Variants in VSIG10L2 observed in about 807,000 individuals in gnomAD.
VSIG10L2 encodes the protein V-set and immunoglobulin domain containing 10 like 2, also known as V-set and immunoglobulin domain-containing protein 10-like 2.
In VSIG10L2, 56 loss-of-function variants were observed where a neutral mutation model predicts 67.1. The ratio of observed to expected loss-of-function variants is 0.83; its 90% CI spans 0.67 to 1.04. VSIG10L2 has a LOEUF of 1.04. Ranked by LOEUF, VSIG10L2 falls within the 50% of genes least tolerant of loss-of-function variation. VSIG10L2 has a pLI of 0.00. For synonymous variants in VSIG10L2, 360 were observed against 396.6 expected (o/e 0.91, Z 1.10); for missense variants, 843 against 932.8 (o/e 0.90, Z 1.25).
At chr11:125,955,301 C>T in intron 9 of VSIG10L2, 122 bp downstream of exon 9, 4 of 1,287,798 alleles carry the variant, frequency 3.1e-6, no homozygotes, top group Non-Finnish European at 3.0e-6. Flanking sequence ...TTAATTCAGA[C>T]CCTCTCCCCA....
chr11:125,952,974 G>A (rs1945397977), intron 6 of VSIG10L2, among the ~76,000 whole-genome samples: 1 of 152,190 alleles, frequency 6.6e-6, no homozygotes, highest in Admixed American at 6.5e-5. Context: ...ACACCTGAGA[G>A]TCTGGGTCTT....
chr11:125,954,435 CT>C, intron 8 of VSIG10L2, 52 bp downstream of exon 8: 1 of 1,223,386 alleles, frequency 8.2e-7, no homozygotes, highest in African/African-American at 1.6e-5. Flanking sequence ...GCGCTGGCCC[CT>C]GGTTCATCTT....
chr11:125,951,656 G>C (rs1945374153), intron 5 of VSIG10L2, 157 bp from the exon 6 acceptor site: 12 of 743,174 alleles, frequency 1.6e-5, no homozygotes, highest in Non-Finnish European at 2.3e-5. Flanking sequence ...CCATTTCCCT[G>C]GCACATGATC....
chr11:125,950,744 T>C (rs1945356841), intron 4 of VSIG10L2, among the ~76,000 whole-genome samples, 166 bp from the exon 5 acceptor site: 1 of 152,082 alleles, frequency 6.6e-6, no homozygotes, highest in Admixed American at 6.5e-5. Context: ...GAGCTCAGCC[T>C]GTTCCTCACC....
In VSIG10L2 at chr11:125,954,807, C is replaced by T. The variant is rs1050879179; in HGVS notation, c.2084-250C>T. Among the ~76,000 whole-genome samples, 5 of 152,196 alleles carry T rather than the reference C, an allele frequency of 3.3e-5. No homozygotes were observed. The South Asian group carries it at 8.3e-4, about 25-fold the overall frequency. ...GCCCCAAGCCGCCAAGATAACCAAC[C>T]TTTTGTCTTCTGCACCAGAAACAGG... is the stretch of plus-strand genomic sequence containing the variant. On this transcript the variant is annotated intron_variant, in intron 8 of 11. Transcript: ENST00000686984.
At position 125,947,905 on chromosome 11, in the gene VSIG10L2, G is replaced by A. The variant is rs1295595006; in HGVS notation, c.302G>A (p.Ser101Asn). 2 of 1,232,220 alleles carry A rather than the reference G, an allele frequency of 1.6e-6. No homozygotes were observed. The highest frequency in any genetic ancestry group is 4.2e-5 in the Admixed American group (1 of 23,708). 76.3% of individuals were successfully genotyped at this position (1,232,220 alleles called of 1,614,324 possible). A position where few individuals can be genotyped will look rare whatever the true frequency, so the allele number is the denominator to read the frequency against. The change falls in exon 2 of 12, where the codon AGT (serine) becomes AAT (asparagine). Residue 101 changes from serine (S) to asparagine (N), a missense_variant. By Grantham distance (46) the Ser-to-Asn change is conservative (BLOSUM62 1). Transcript: ENST00000686984. ...ATCGCCTCGGCTCTGGGAGTCGTGA[G>A]TCTGAGGAACAGCAGCCTGGTGCTG... ...EAIASALGVV[S>N]LRNSSLVLGE...
rs1479517883 is a variant in VSIG10L2 at position 125,955,970 on chromosome 11, A to G, written c.*56A>G. 1 of 638,492 alleles carries G rather than the reference A, an allele frequency of 1.6e-6. No individual in the cohort carries two copies. The highest frequency in any genetic ancestry group is 2.8e-6 in the Non-Finnish European group (1 of 356,302). The allele number at this position is 638,492 out of a possible 1,614,324, so 39.6% of individuals were successfully genotyped here. On this transcript the variant is annotated 3_prime_UTR_variant, in exon 12 of 12. Transcript: ENST00000686984. ...GGGAGGGCAGGTGGGATTTGGGAAG[A>G]GCCCTTCTGTCAGACTTTGGTCATA...
In VSIG10L2 at chr11:125,947,387, C is replaced by T. The variant is rs527809327; in HGVS notation, c.83-299C>T. The T allele has an allele frequency of 1.2e-4, 119 of 982,484 alleles. 3 individuals carry two copies. The South Asian group carries it at 5.0e-3, about 41-fold the overall frequency. The allele number at this position is 982,484 out of a possible 1,614,324, so 60.9% of individuals were successfully genotyped here. A position where few individuals can be genotyped will look rare whatever the true frequency, so the allele number is the denominator to read the frequency against. On this transcript the variant is annotated intron_variant, in intron 1 of 11. Coordinates refer to ENST00000686984, the MANE Select transcript of VSIG10L2 (RefSeq NM_001365077.2). ...TGTCTGACTTGATAGTCTGGGGTGA[C>T]GTCCACGAATCTGCCTTTTGGATGG...
chr11:125,955,207 G>A (rs1945443941), intron 9 of VSIG10L2, 28 bp downstream of exon 9: 1 of 1,258,056 alleles, frequency 7.9e-7, no homozygotes, highest in Non-Finnish European at 1.0e-6. Context: ...GGGACGGGCT[G>A]CTTGACCCCA....
At chr11:125,955,775 C>T in intron 11 of VSIG10L2, 42 bp from the exon 12 acceptor site, 1 of 945,854 alleles carries the variant, frequency 1.1e-6, no homozygotes, top group Non-Finnish European at 1.6e-6. Context: ...TGGACACTCC[C>T]AAAGCATCCC....
Position 125,946,745 on chromosome 11 carries a change from C to T in VSIG10L2, c.82+608C>T, listed in dbSNP as rs945844433. On this transcript the variant is annotated intron_variant, in intron 1 of 11. Transcript: ENST00000686984. This position sits in a 1 kb window ranked among gnomAD's most constrained non-coding sequence, Gnocchi z 4.4. The stretch of plus-strand genomic sequence containing the variant: ...TAGAGCCAGGGTTTTGCCATGTTGG[C>T]CAGGCTGGTCTCAAACTCCTGACCT... 4.6e-5 allele frequency among the ~76,000 whole-genome samples: 7 copies of T among 152,112 alleles called. No homozygotes were observed. Among genetic ancestry groups the T allele is most frequent in the African/African-American group, 1.4e-4 (6 of 41,438 alleles).
At chr11:125,955,020 G>T (rs1945438164) in intron 8 of VSIG10L2, 37 bp from the exon 9 acceptor site, 12 of 1,232,798 alleles carry the variant, frequency 9.7e-6, no homozygotes, top group Non-Finnish European at 1.1e-5. Flanking sequence ...GTTCTGCAGT[G>T]GCTCTAAACC....
chr11:125,950,951 C>T lies in VSIG10L2; in HGVS notation c.1027C>T (p.Pro343Ser), dbSNP rs35099146. 0.21 allele frequency: 259,824 copies of T among 1,232,238 alleles called. 28,231 individuals carry two copies. The highest frequency in any genetic ancestry group is 0.22 in the South Asian group (5,438 of 24,322). The allele number at this position is 1,232,238 out of a possible 1,614,324, so 76.3% of individuals were successfully genotyped here. The change falls in exon 5 of 12, where the codon CCT (proline) becomes TCT (serine). Residue 343 changes from proline (P) to serine (S), a missense_variant. Physicochemically the swap from Pro to Ser is moderately conservative, Grantham distance 74 (BLOSUM62 -1). Around this residue, in one of 2 missense-constraint regions of VSIG10L2, gnomAD observed 446 missense variants for 548.4 expected, o/e 0.81. Coordinates refer to ENST00000686984, the MANE Select transcript of VSIG10L2 (RefSeq NM_001365077.2). ...GCCCTCCTGTGCAGTGCATCCCAGC[C>T]CTGAGGCTGTGACCCTGCTCTGTGC... is the stretch of plus-strand genomic sequence containing the variant. ...GQPSCAVHPS[P>S]EAVTLLCAWP...
At chr11:125,951,678 A>T (rs994787404) in intron 5 of VSIG10L2, 135 bp from the exon 6 acceptor site, 1 of 830,176 alleles carries the variant, frequency 1.2e-6, no homozygotes, top group African/African-American at 1.7e-5. Flanking sequence ...ATAAATGATG[A>T]GTGTGTGAAT....
intron 7 of VSIG10L2, 30 bp from the exon 8 acceptor site, chr11:125,954,057 G>A (rs1045067189): frequency 8.1e-7 from 1 of 1,231,476 alleles, no homozygotes; most frequent in East Asian, 3.2e-5. Context: ...AGGTATACAT[G>A]TCCCTTGTTT....
At chr11:125,947,539 C>T in intron 1 of VSIG10L2, 147 bp from the exon 2 acceptor site, 3 of 1,230,790 alleles carry the variant, frequency 2.4e-6, no homozygotes, top group Non-Finnish European at 3.0e-6. Context: ...TGCCCACCAA[C>T]TCCAGAAGTG....
In VSIG10L2 at chr11:125,952,046, CCT is replaced by C. The variant is rs752830072; in HGVS notation, c.1469_1470del (p.Pro490ArgfsTer17). ...CCGGGGCACTCACCTGCTCAGGACC[CCT>C]GACCCCCACTGCCACCTCCAGCTGG... ...TCRGTHLLRT[P>X]DPHCHLQLEA... On this transcript the variant is annotated frameshift_variant, in exon 6 of 12. Coordinates refer to ENST00000686984, the MANE Select transcript of VSIG10L2 (RefSeq NM_001365077.2). LOFTEE classifies it high-confidence loss of function. 29 of 1,535,074 alleles carry C rather than the reference CCT, an allele frequency of 1.9e-5. No homozygotes were observed. The highest frequency in any genetic ancestry group is 2.4e-5 in the East Asian group (1 of 40,910).
intron 5 of VSIG10L2, among the ~76,000 whole-genome samples, chr11:125,951,362 C>G (rs974453778): frequency 6.6e-6 from 1 of 152,158 alleles, no homozygotes; most frequent in Non-Finnish European, 1.5e-5. Context: ...CTGTTCCCCT[C>G]ACTTTGGGCT....
intron 6 of VSIG10L2, among the ~76,000 whole-genome samples, chr11:125,952,623 TAA>T (rs546191139): frequency 6.3e-4 from 96 of 152,224 alleles, no homozygotes; most frequent in Non-Finnish European, 1.2e-3. Context: ...TGGATTTGCA[TAA>T]GAGAGGTGCC....
Sources: gnomAD v4.1 joint callset for allele counts (sites outside exome capture counted in the v4.1 genomes callset) on GRCh38, gnomAD v4.1.1 for gene constraint, gnomAD v4.1.1 regional missense constraint, Gnocchi (gnomAD v3.1) non-coding constraint, MANE v1.5 for transcripts, NCBI Gene and HGNC (gene_info 2026-07-23, HGNC 2026-07-21) for gene names.